Variants in CRPPA observed in about 807,000 individuals in gnomAD.
The protein encoded by CRPPA is D-ribitol-5-phosphate cytidylyltransferase.
A neutral mutation model predicts 52.0 loss-of-function variants in CRPPA; 43 were observed. The ratio of observed to expected loss-of-function variants is 0.83; its 90% CI spans 0.65 to 1.07. CRPPA has a LOEUF of 1.07. CRPPA is among the 50% of genes least tolerant of loss of function. The probability of loss-of-function intolerance (pLI) is 0.00; values close to 1 mark genes in which losing one functional copy is unlikely to be tolerated. For synonymous variants in CRPPA, 250 were observed against 203.5 expected (o/e 1.23, Z -1.94); for missense variants, 629 against 551.7 (o/e 1.14, Z -1.40).
intron 9 of CRPPA, among the ~76,000 whole-genome samples, chr7:16,102,723 A>G (rs556435266): frequency 6.6e-6 from 1 of 152,242 alleles, no homozygotes; most frequent in Non-Finnish European, 1.5e-5. Flanking sequence ...ATCACTGGTC[A>G]GTAGAGAAAT....
At chr7:16,125,257 C>CAAAAA (rs11323226) in intron 9 of CRPPA, among the ~76,000 whole-genome samples, 3 of 67,728 alleles carry the variant, frequency 4.4e-5, no homozygotes, top group African/African-American at 1.1e-4. Context: ...GAGACTGTCT[C>CAAAAA]AAAAAAAAAA....
chr7:16,249,284 G>A (rs1163990189), intron 8 of CRPPA, among the ~76,000 whole-genome samples: 1 of 152,126 alleles, frequency 6.6e-6, no homozygotes, highest in African/African-American at 2.4e-5. Flanking sequence ...TGGGGGAAGG[G>A]GCAGCTGTGG....
chr7:16,398,885 G>C lies in CRPPA; in HGVS notation c.534+7176C>G, dbSNP rs567954723. 8.5e-5 allele frequency among the ~76,000 whole-genome samples: 13 copies of C among 152,306 alleles called. No individual in the cohort carries two copies. In the South Asian group the frequency reaches 2.7e-3, roughly 32 times the overall value. ...TGTGTCCAACACGTGACTCACACGT[G>C]ATCAGCACATGTCCAACAAGTGACT... is the stretch of plus-strand genomic sequence containing the variant. On this transcript the variant is annotated intron_variant, in intron 2 of 9. Transcript: ENST00000407010.
intron 8 of CRPPA, among the ~76,000 whole-genome samples, chr7:16,218,607 C>A (rs1782401141): frequency 3.6e-5 from 2 of 56,326 alleles, no homozygotes; most frequent in Non-Finnish European, 6.9e-5. Context: ...ATCTACCAAG[C>A]AAATGGAAAA....
At chr7:16,093,017 T>C (rs1447634355) in intron 9 of CRPPA, among the ~76,000 whole-genome samples, 1 of 152,180 alleles carries the variant, frequency 6.6e-6, no homozygotes, top group African/African-American at 2.4e-5. Context: ...TCAGAGATTC[T>C]TGAAATCTAC....
At chr7:16,179,429 GA>G (rs1424975215) in intron 9 of CRPPA, among the ~76,000 whole-genome samples, 6 of 151,976 alleles carry the variant, frequency 3.9e-5, no homozygotes, top group African/African-American at 1.5e-4. Flanking sequence ...GGTTATCCTG[GA>G]TTATCTTTAT....
chr7:16,148,666 T>C (rs935630119), intron 9 of CRPPA, among the ~76,000 whole-genome samples: 6 of 152,020 alleles, frequency 3.9e-5, no homozygotes, highest in Non-Finnish European at 4.4e-5. Flanking sequence ...AACAGGGAAA[T>C]GGTTAATGTA....
chr7:16,334,757 A>G (rs879270780), intron 3 of CRPPA, among the ~76,000 whole-genome samples: 5 of 152,144 alleles, frequency 3.3e-5, no homozygotes, highest in Non-Finnish European at 7.3e-5. Flanking sequence ...ACCGAGCCCA[A>G]TTAGAGAAGC....
intron 2 of CRPPA, among the ~76,000 whole-genome samples, chr7:16,393,246 T>C (rs930222608): frequency 2.0e-5 from 3 of 152,112 alleles, no homozygotes; most frequent in Non-Finnish European, 2.9e-5. Context: ...AGAATGCATA[T>C]ATACACAGCA....
rs185893022 is a variant in CRPPA, at chr7:16,321,686, G to A, written c.685-13059C>T. On this transcript the variant is annotated intron_variant, in intron 3 of 9. Coordinates refer to ENST00000407010, the MANE Select transcript of CRPPA (RefSeq NM_001101426.4). ...TTGGATGATGTAGCAGAAAGAGTAG[G>A]TCTGTTGGTTAGTTGGAGGAACCAA... Among the ~76,000 whole-genome samples, 40 of 152,270 alleles carry A rather than the reference G, an allele frequency of 2.6e-4. 1 individual carries two copies. Among genetic ancestry groups the A allele is most frequent in the South Asian group, 1.2e-3 (6 of 4,822 alleles).
chr7:16,318,324 G>T (rs1785190545), intron 3 of CRPPA, among the ~76,000 whole-genome samples: 1 of 151,850 alleles, frequency 6.6e-6, no homozygotes, highest in African/African-American at 2.4e-5. Context: ...TTAACTTTTA[G>T]CTTATGCTTT....
intron 9 of CRPPA, among the ~76,000 whole-genome samples, chr7:16,127,992 C>T (rs1782611278): frequency 6.6e-6 from 1 of 152,102 alleles, no homozygotes; most frequent in Non-Finnish European, 1.5e-5. Context: ...ACTACAGCTA[C>T]AACGGAATAA....
chr7:16,341,396 G>C (rs909925604), intron 3 of CRPPA, among the ~76,000 whole-genome samples: 15 of 151,954 alleles, frequency 9.9e-5, no homozygotes, highest in Non-Finnish European at 1.8e-4. Flanking sequence ...CCTCCATCTT[G>C]CTGTAAAATT....
intron 3 of CRPPA, among the ~76,000 whole-genome samples, chr7:16,322,816 C>T (rs1785291259): frequency 6.6e-6 from 1 of 152,012 alleles, no homozygotes; most frequent in Admixed American, 6.5e-5. Flanking sequence ...AAGAAATACC[C>T]GAGACTTGGG....
chr7:16,411,773 T>C (rs1583589601), intron 1 of CRPPA, among the ~76,000 whole-genome samples: 1 of 152,182 alleles, frequency 6.6e-6, no homozygotes, highest in East Asian at 1.9e-4. Flanking sequence ...ACATGTTCAC[T>C]TTTTAATATA....
intron 3 of CRPPA, among the ~76,000 whole-genome samples, chr7:16,354,268 T>G (rs1326571488): frequency 6.6e-6 from 1 of 152,196 alleles, no homozygotes; most frequent in Non-Finnish European, 1.5e-5. Context: ...ACTGGTTTAT[T>G]GAAAATGCAA....
chr7:16,158,012 C>A (rs1783221690), intron 9 of CRPPA, among the ~76,000 whole-genome samples: 1 of 151,258 alleles, frequency 6.6e-6, no homozygotes, highest in Non-Finnish European at 1.5e-5. Flanking sequence ...GTAGCTGGGA[C>A]TACAGGCACG....
chr7:16,336,510 C>G (rs1785684502), intron 3 of CRPPA, among the ~76,000 whole-genome samples: 1 of 145,614 alleles, frequency 6.9e-6, no homozygotes, highest in African/African-American at 2.5e-5. Context: ...AAGAAAGTAT[C>G]AAAGCATACC....
chr7:16,130,936 C>G (rs1296950314), intron 9 of CRPPA, among the ~76,000 whole-genome samples: 1 of 152,286 alleles, frequency 6.6e-6, no homozygotes, highest in East Asian at 1.9e-4. Flanking sequence ...CAAGTTCCCA[C>G]ACCCTTCCAC....
Sources: allele counts gnomAD v4.1 joint callset (sites outside exome capture counted in the v4.1 genomes callset), GRCh38; gene constraint gnomAD v4.1.1; transcripts MANE v1.5; gene names NCBI Gene and HGNC (gene_info 2026-07-23, HGNC 2026-07-21).